The following FBXO11 variants were observed in gnomAD, a reference collection of about 807,000 sequenced individuals.
FBXO11 encodes F-box only protein 11.
A neutral mutation model predicts 117.0 loss-of-function variants in FBXO11; 13 were observed. The observed-to-expected ratio is 0.11, with a 90% CI of 0.07 to 0.18. FBXO11 has a LOEUF of 0.18. Among genes scored for constraint, FBXO11 ranks in the 10% least tolerant of loss-of-function variants. The pLI is 1.00. For synonymous variants in FBXO11, 490 were observed against 380.5 expected, an observed-to-expected ratio of 1.29 and a Z score of -3.35; for missense variants, 767 against 1,164.4, an observed-to-expected ratio of 0.66 and a Z score of 4.97.
chr2:47,832,231 C>T, intron 11 of FBXO11, 118 bp downstream of exon 11: 2 of 766,074 alleles, frequency 2.6e-6, no homozygotes, highest in Non-Finnish European at 4.0e-6. Context: ...GCTGAAATTG[C>T]TTTTAAACCT....
At chr2:47,885,920 CT>C (rs1676803207) in intron 1 of FBXO11, among the ~76,000 whole-genome samples, 1 of 151,578 alleles carries the variant, frequency 6.6e-6, no homozygotes. Context: ...CCCACTATCT[CT>C]GAACAGTCCT....
At chr2:47,830,019 T>C (rs886948743) in intron 11 of FBXO11, among the ~76,000 whole-genome samples, 1 of 150,804 alleles carries the variant, frequency 6.6e-6, no homozygotes, top group Non-Finnish European at 1.5e-5. Context: ...GGAGACATGG[T>C]AAGGAACACA....
In FBXO11 at chr2:47,905,587, G is replaced by A; in HGVS notation, c.134C>T (p.Pro45Leu). Residue 45 changes from proline to leucine, a missense_variant, in exon 1 of 23, where the codon CCT (proline) becomes CTT (leucine). Around this residue, in one of 10 missense-constraint regions of FBXO11, gnomAD observed 355 missense variants for 299.8 expected, o/e 1.18. Coordinates refer to ENST00000403359, the MANE Select transcript of FBXO11 (RefSeq NM_001190274.2). The stretch of plus-strand genomic sequence containing the variant: ...CTGCTGCTGCTGCGGCGGCGGCGGA[G>A]GCTGCTGCTGGGGCGGCTGCTGCTG... ...PPQQQPPQQQ[P>L]PPPPQQQQQQ... 1.6e-6 allele frequency: 2 copies of A among 1,258,712 alleles called. No individual in the cohort carries two copies. Among genetic ancestry groups the A allele is most frequent in the Non-Finnish European group, 9.9e-7 (1 of 1,005,468 alleles). The allele number at this position is 1,258,712 out of a possible 1,614,324, so 78.0% of individuals were successfully genotyped here. A position where few individuals can be genotyped will look rare whatever the true frequency, so the allele number is the denominator to read the frequency against.
At chr2:47,887,584 G>A (rs1427113885) in intron 1 of FBXO11, among the ~76,000 whole-genome samples, 1 of 152,118 alleles carries the variant, frequency 6.6e-6, no homozygotes, top group Non-Finnish European at 1.5e-5. Flanking sequence ...TGTGGGGCCA[G>A]GCATGGTGGC....
At chr2:47,823,092 G>A in intron 12 of FBXO11, 51 bp downstream of exon 12, 1 of 1,349,824 alleles carries the variant, frequency 7.4e-7, no homozygotes, top group Non-Finnish European at 1.0e-6. Context: ...TGACTTTTAA[G>A]CAAACCTTGA....
chr2:47,851,845 T>A (rs1437732172), intron 1 of FBXO11, among the ~76,000 whole-genome samples: 1 of 152,240 alleles, frequency 6.6e-6, no homozygotes, highest in Admixed American at 6.5e-5. Context: ...AATATGGCTA[T>A]ATTCTTATAA....
intron 18 of FBXO11, chr2:47,811,564 C>T (rs1325677746): frequency 1.3e-5 from 2 of 152,228 alleles, no homozygotes; most frequent in Non-Finnish European, 2.9e-5. Flanking sequence ...TATAATGAAT[C>T]ACATTCTGGT....
In FBXO11 at chr2:47,897,930, A is replaced by C. The variant is rs141745358; in HGVS notation, c.232+7559T>G. Among the ~76,000 whole-genome samples the C allele has an allele frequency of 6.0e-3, 917 of 152,136 alleles. 9 individuals carry two copies. Among genetic ancestry groups the C allele is most frequent in the African/African-American group, 0.021 (876 of 41,538 alleles). On this transcript the variant is annotated intron_variant, in intron 1 of 22. Transcript: ENST00000403359. Reference sequence around the variant, plus strand: ...AAAATACAAAAGCTCTCTTCACACAAAAAAAAGGATGAATGACACCTCTTC... The same window carrying C: ...AAAATACAAAAGCTCTCTTCACACACAAAAAAGGATGAATGACACCTCTTC...
At chr2:47,870,188 C>G (rs550635020) in intron 1 of FBXO11, among the ~76,000 whole-genome samples, 1 of 152,306 alleles carries the variant, frequency 6.6e-6, no homozygotes, top group East Asian at 1.9e-4. Context: ...TTGAGTTCTG[C>G]TTCTCCAGAG....
At chr2:47,851,284 T>C (rs1673839198) in intron 1 of FBXO11, among the ~76,000 whole-genome samples, 1 of 152,186 alleles carries the variant, frequency 6.6e-6, no homozygotes, top group Admixed American at 6.6e-5. Flanking sequence ...TGGAGTGCAG[T>C]GGTGTGATCT....
chr2:47,885,991 C>G (rs1676808769), intron 1 of FBXO11, among the ~76,000 whole-genome samples: 1 of 152,180 alleles, frequency 6.6e-6, no homozygotes, highest in African/African-American at 2.4e-5. Context: ...CTCATGTATT[C>G]ATTCATTCAA....
intron 1 of FBXO11, among the ~76,000 whole-genome samples, chr2:47,880,497 C>G (rs1187190375): frequency 2.0e-5 from 3 of 152,080 alleles, no homozygotes; most frequent in African/African-American, 7.2e-5. Flanking sequence ...ACTGTGGAAT[C>G]AGAATGTCCA....
intron 1 of FBXO11, among the ~76,000 whole-genome samples, chr2:47,845,711 A>C (rs1360122555): frequency 6.6e-6 from 1 of 152,132 alleles, no homozygotes; most frequent in Non-Finnish European, 1.5e-5. Flanking sequence ...ATAAGCTCTG[A>C]GGGCGAGGCA....
At chr2:47,822,732 T>C (rs1027266810) in intron 12 of FBXO11, among the ~76,000 whole-genome samples, 1 of 152,232 alleles carries the variant, frequency 6.6e-6, no homozygotes, top group Non-Finnish European at 1.5e-5. Flanking sequence ...GACTTTTTGA[T>C]AATTTTAGTC....
At chr2:47,810,855 T>C (rs1670562903) in intron 18 of FBXO11, 1 of 153,320 alleles carries the variant, frequency 6.5e-6, no homozygotes, top group South Asian at 2.1e-4. Context: ...CTGATGAGTT[T>C]CCTTTATTCC....
intron 1 of FBXO11, among the ~76,000 whole-genome samples, chr2:47,865,397 G>A (rs567798781): frequency 1.3e-5 from 2 of 152,308 alleles, no homozygotes; most frequent in Non-Finnish European, 2.9e-5. Context: ...AAAGAAAGAA[G>A]GCCCTTCTTC....
At chr2:47,845,816 T>C (rs183085893) in intron 1 of FBXO11, among the ~76,000 whole-genome samples, 1 of 152,202 alleles carries the variant, frequency 6.6e-6, no homozygotes, top group African/African-American at 2.4e-5. Flanking sequence ...TGGAGAACCC[T>C]TTAATTTTAC....
intron 1 of FBXO11, among the ~76,000 whole-genome samples, chr2:47,860,156 A>G (rs1318837554): frequency 6.6e-6 from 1 of 152,200 alleles, no homozygotes; most frequent in East Asian, 1.9e-4. Context: ...TATGCTGCTC[A>G]GAAGTCTTTA....
chr2:47,879,516 T>C (rs1676282038), intron 1 of FBXO11, among the ~76,000 whole-genome samples: 1 of 152,224 alleles, frequency 6.6e-6, no homozygotes, highest in Non-Finnish European at 1.5e-5. Flanking sequence ...ACTGGCCTCA[T>C]TAGCTTAAAA....
Sources: gnomAD v4.1 joint callset for allele counts (sites outside exome capture counted in the v4.1 genomes callset) on GRCh38, gnomAD v4.1.1 for gene constraint, gnomAD v4.1.1 regional missense constraint, MANE v1.5 for transcripts, NCBI Gene and HGNC (gene_info 2026-07-23, HGNC 2026-07-21) for gene names.